The following SLC7A11 variants were observed in gnomAD, a reference collection of about 807,000 sequenced individuals.
The protein encoded by SLC7A11 is cystine/glutamate transporter.
In SLC7A11, 35 loss-of-function variants were observed where a neutral mutation model predicts 54.5. That is an observed-to-expected ratio of 0.64 (90% CI 0.49 to 0.85). The LOEUF (loss-of-function observed/expected upper bound fraction) is 0.85. Ranked by LOEUF, SLC7A11 falls within the 40% of genes least tolerant of loss-of-function variation. SLC7A11 has a pLI of 0.00. For missense variants in SLC7A11, 583 were observed against 618.1 expected (o/e 0.94, Z 0.60); for synonymous variants, 230 against 225.2 (o/e 1.02, Z -0.19).
chr4:138,217,450 G>T (rs1737705561), intron 5 of SLC7A11, among the ~76,000 whole-genome samples: 1 of 152,102 alleles, frequency 6.6e-6, no homozygotes, highest in Non-Finnish European at 1.5e-5. Flanking sequence ...AATGAAAAGG[G>T]TCTTCATCCA....
rs1736404757 is a variant in SLC7A11, at chr4:138,170,697, A to C, written c.*1259T>G. ...AGATTCTCATTTCAATTTTCTTCTT[A>C]TCAGTTGTCTCTTTTGCAAGTTGAA... On this transcript the variant is annotated 3_prime_UTR_variant, in exon 12 of 12. Coordinates refer to ENST00000280612, the MANE Select transcript of SLC7A11 (RefSeq NM_014331.4). 1.3e-5 allele frequency: 2 copies of C among 152,104 alleles called. No individual in the cohort carries two copies. The highest frequency in any genetic ancestry group is 1.3e-4 in the Admixed American group (2 of 15,260). 9.4% of individuals were successfully genotyped at this position (152,104 alleles called of 1,614,324 possible).
At chr4:138,199,442 T>C (rs749977193) in intron 6 of SLC7A11, among the ~76,000 whole-genome samples, 1 of 152,142 alleles carries the variant, frequency 6.6e-6, no homozygotes, top group Non-Finnish European at 1.5e-5. Flanking sequence ...TTTCTTCATT[T>C]GACTAAATGG....
At position 138,170,248 on chromosome 4, in the gene SLC7A11, G is replaced by GTATATA. The variant is rs1335104620; in HGVS notation, c.*1707_*1708insTATATA. 8 of 89,176 alleles carry GTATATA rather than the reference G, an allele frequency of 9.0e-5. No individual in the cohort carries two copies. The highest frequency in any genetic ancestry group is 1.8e-4 in the Non-Finnish European group (8 of 44,388). The allele number at this position is 89,176 out of a possible 1,614,324, so 5.5% of individuals were successfully genotyped here. Reference sequence around the variant, plus strand: ...ATATATAAAAAGTGTGTGTGTGTGTGTGTATATATATATATATATATATAC... The same window carrying GTATATA: ...ATATATAAAAAGTGTGTGTGTGTGTGTATATATGTATATATATATATATATATATAC... On this transcript the variant is annotated 3_prime_UTR_variant, in exon 12 of 12. Coordinates refer to ENST00000280612, the MANE Select transcript of SLC7A11 (RefSeq NM_014331.4).
At chr4:138,212,545 G>A (rs1215564138) in intron 6 of SLC7A11, among the ~76,000 whole-genome samples, 1 of 150,820 alleles carries the variant, frequency 6.6e-6, no homozygotes, top group Non-Finnish European at 1.5e-5. Context: ...CACCATCACT[G>A]TTCCTTAGTA....
chr4:138,205,653 T>G (rs1346342440), intron 6 of SLC7A11, among the ~76,000 whole-genome samples: 1 of 152,088 alleles, frequency 6.6e-6, no homozygotes, highest in Non-Finnish European at 1.5e-5. Flanking sequence ...TGACACAGAA[T>G]GTAAGCTTTA....
intron 11 of SLC7A11, 43 bp downstream of exon 11, chr4:138,179,174 A>G (rs763719461): frequency 7.4e-7 from 1 of 1,358,508 alleles, no homozygotes; most frequent in Admixed American, 1.7e-5. Context: ...TGGGTTTTCT[A>G]CATGGTGTTG....
intron 7 of SLC7A11, 45 bp from the exon 8 acceptor site, chr4:138,183,350 T>C: frequency 7.6e-7 from 1 of 1,308,934 alleles, no homozygotes; most frequent in Non-Finnish European, 1.1e-6. Flanking sequence ...TGCCAGAAAG[T>C]GGAATAAAAT....
At chr4:138,184,213 T>C (rs751717889) in intron 7 of SLC7A11, among the ~76,000 whole-genome samples, 12 of 152,134 alleles carry the variant, frequency 7.9e-5, no homozygotes, top group Non-Finnish European at 1.5e-4. Context: ...TGGTGGGACT[T>C]AGAGCAGTGG....
At chr4:138,198,496 C>A (rs1314006234) in intron 6 of SLC7A11, among the ~76,000 whole-genome samples, 1 of 152,126 alleles carries the variant, frequency 6.6e-6, no homozygotes, top group Non-Finnish European at 1.5e-5. Flanking sequence ...CATTTTCAAA[C>A]CATGAGGTGT....
At chr4:138,219,804 A>G (rs533214329) in intron 4 of SLC7A11, among the ~76,000 whole-genome samples, 183 of 152,256 alleles carry the variant, frequency 1.2e-3, no homozygotes, top group Non-Finnish European at 1.9e-3. Flanking sequence ...ATGGAAATAA[A>G]TCCCAGGACT....
At chr4:138,218,910 G>C (rs985860941) in intron 5 of SLC7A11, among the ~76,000 whole-genome samples, 1 of 152,216 alleles carries the variant, frequency 6.6e-6, no homozygotes, top group Non-Finnish European at 1.5e-5. Flanking sequence ...TAGCTGAAAG[G>C]CCTTTTGACA....
intron 6 of SLC7A11, among the ~76,000 whole-genome samples, chr4:138,213,641 A>C (rs933658436): frequency 6.6e-6 from 1 of 151,924 alleles, no homozygotes; most frequent in African/African-American, 2.4e-5. Flanking sequence ...TATAAACAAC[A>C]TCTCCCTAGA....
At chr4:138,230,797 A>G (rs1379610198) in intron 3 of SLC7A11, among the ~76,000 whole-genome samples, 1 of 152,204 alleles carries the variant, frequency 6.6e-6, no homozygotes, top group Non-Finnish European at 1.5e-5. Flanking sequence ...ACAAGTAAAC[A>G]GACTATAGAC....
At position 138,223,227 on chromosome 4, in the gene SLC7A11, T is replaced by C; in HGVS notation, c.618A>G (p.Ile206Met). The C allele has an allele frequency of 1.2e-6, 2 of 1,613,604 alleles. No individual in the cohort carries two copies. Among genetic ancestry groups the C allele is most frequent in the Non-Finnish European group, 1.7e-6 (2 of 1,179,530 alleles). ...TAATTAGCTGCATAACTCCAGGGAC[T>C]ATAATTATCAGAATTGCTGTGAGCT... Reference protein sequence around the residue: ...FCKLTAILIIIVPGVMQLIKG... With the variant: ...FCKLTAILIIMVPGVMQLIKG... Residue 206 changes from isoleucine to methionine, a missense_variant, in exon 4 of 12, where the codon ATA becomes ATG. Coordinates refer to ENST00000280612, the MANE Select transcript of SLC7A11 (RefSeq NM_014331.4).
At chr4:138,203,677 T>C (rs1737340791) in intron 6 of SLC7A11, among the ~76,000 whole-genome samples, 3 of 152,082 alleles carry the variant, frequency 2.0e-5, no homozygotes. Context: ...AAAAGCAAAA[T>C]AAACATGCAA....
chr4:138,177,354 C>A lies in SLC7A11; in HGVS notation c.1444+1863G>T, dbSNP rs185156577. On this transcript the variant is annotated intron_variant, in intron 11 of 11. Transcript: ENST00000280612. Reference sequence around the variant, plus strand: ...GTATGAAAGCTATGTTCTAAACTCACCACATTCACCAGCGAGAATAGATCT... The same window carrying A: ...GTATGAAAGCTATGTTCTAAACTCAACACATTCACCAGCGAGAATAGATCT... 26 of 152,124 alleles carry A rather than the reference C, an allele frequency of 1.7e-4. No individual in the cohort carries two copies. The East Asian group carries it at 5.0e-3, about 29-fold the overall frequency. 9.4% of individuals were successfully genotyped at this position (152,124 alleles called of 1,614,324 possible). A position where few individuals can be genotyped will look rare whatever the true frequency, so the allele number is the denominator to read the frequency against.
chr4:138,227,122 G>A (rs1368404902), intron 3 of SLC7A11, among the ~76,000 whole-genome samples: 14 of 152,312 alleles, frequency 9.2e-5, no homozygotes, highest in Admixed American at 2.0e-4. Flanking sequence ...TGTAATTCAA[G>A]TCTGTCTTTG....
At chr4:138,202,305 G>A (rs930817106) in intron 6 of SLC7A11, among the ~76,000 whole-genome samples, 2 of 151,842 alleles carry the variant, frequency 1.3e-5, no homozygotes, top group African/African-American at 4.8e-5. Flanking sequence ...TCTACTTAAG[G>A]TGATCCCTTA....
In SLC7A11 at chr4:138,164,868, C is replaced by A. The variant is rs1040470635; in HGVS notation, c.*7088G>T. The A allele has an allele frequency of 2.0e-5, 3 of 152,078 alleles. No homozygotes were observed. The highest frequency in any genetic ancestry group is 4.4e-5 in the Non-Finnish European group (3 of 68,002). 9.4% of individuals were successfully genotyped at this position (152,078 alleles called of 1,614,324 possible). A position where few individuals can be genotyped will look rare whatever the true frequency, so the allele number is the denominator to read the frequency against. ...GTACAAGGTCATAACTAATGCATTC[C>A]AGATCCAAGTTAGGGATTTAGCTGG... On this transcript the variant is annotated 3_prime_UTR_variant, in exon 12 of 12. Transcript: ENST00000280612.
Sources: gnomAD v4.1 joint callset for allele counts (sites outside exome capture counted in the v4.1 genomes callset) on GRCh38, gnomAD v4.1.1 for gene constraint, MANE v1.5 for transcripts, NCBI Gene and HGNC (gene_info 2026-07-23, HGNC 2026-07-21) for gene names.